THBS4: variants seen among roughly 807,000 people sequenced by gnomAD.
THBS4 encodes the protein thrombospondin-4.
THBS4 carries 90 observed loss-of-function variants against 115.7 expected under a neutral mutation model. That is an observed-to-expected ratio of 0.78 (90% confidence interval 0.66 to 0.93). THBS4 has a LOEUF of 0.93. Among genes scored for constraint, THBS4 ranks in the 40% least tolerant of loss-of-function variants. The probability of loss-of-function intolerance (pLI) is 0.00; values close to 1 mark genes in which losing one functional copy is unlikely to be tolerated. For synonymous variants in THBS4, 460 were observed against 479.3 expected, an observed-to-expected ratio of 0.96 and a Z score of 0.53; for missense variants, 1,087 against 1,232.7, an observed-to-expected ratio of 0.88 and a Z score of 1.77.
At chr5:80,047,920 C>T (rs1833126086) in intron 2 of THBS4, among the ~76,000 whole-genome samples, 1 of 151,984 alleles carries the variant, frequency 6.6e-6, no homozygotes, top group South Asian at 2.1e-4. Flanking sequence ...GCTGGGATTA[C>T]AGGCATGAGC....
At chr5:80,054,482 G>C (rs763290106) in intron 2 of THBS4, among the ~76,000 whole-genome samples, 1 of 151,974 alleles carries the variant, frequency 6.6e-6, no homozygotes, top group African/African-American at 2.4e-5. Context: ...CACCATGCCT[G>C]GCTAATTTTT....
chr5:79,997,030 GTT>G (rs201267378), intron 1 of THBS4, among the ~76,000 whole-genome samples: 1,871 of 138,716 alleles, frequency 0.013, 43 homozygotes, highest in African/African-American at 0.045. Flanking sequence ...AATCAAAATA[GTT>G]TTTTTTTTTT....
chr5:80,029,813 A>C (rs185603617), intron 2 of THBS4, among the ~76,000 whole-genome samples: 9,550 of 151,692 alleles, frequency 0.063, 426 homozygotes, highest in African/African-American at 0.13. Context: ...CAAAAAAAAA[A>C]AAAAAAATTA....
chr5:80,078,750 GCTTT>G (rs1321775210), intron 17 of THBS4, 167 bp from the exon 18 acceptor site: 1 of 559,178 alleles, frequency 1.8e-6, no homozygotes, highest in East Asian at 2.9e-5. Flanking sequence ...ACAAGCACAT[GCTTT>G]CTTTGAGCAC....
intron 2 of THBS4, among the ~76,000 whole-genome samples, chr5:80,011,120 C>A (rs1386350462): frequency 6.6e-6 from 1 of 152,178 alleles, no homozygotes; most frequent in African/African-American, 2.4e-5. Flanking sequence ...TGAGACCTGA[C>A]AGTTTTAAAA....
intron 2 of THBS4, 66 bp from the exon 3 acceptor site, chr5:80,055,719 T>G: frequency 6.4e-7 from 1 of 1,562,976 alleles, no homozygotes. Context: ...ATCACACCAT[T>G]TGTTGACCCT....
intron 2 of THBS4, among the ~76,000 whole-genome samples, chr5:80,018,528 G>A (rs1433611065): frequency 6.6e-6 from 1 of 150,492 alleles, no homozygotes; most frequent in Non-Finnish European, 1.5e-5. Context: ...CCTAGTAGCT[G>A]AGATTAGAGG....
intron 1 of THBS4, among the ~76,000 whole-genome samples, chr5:79,995,535 G>A (rs989770297): frequency 6.6e-6 from 1 of 151,992 alleles, no homozygotes; most frequent in South Asian, 2.1e-4. Flanking sequence ...TGAAAGAGAC[G>A]ACATGGTGAA....
In THBS4 at chr5:80,067,955, G is replaced by C. The variant is rs369458031; in HGVS notation, c.1195-18G>C. On this transcript the variant is annotated intron_variant, in intron 9 of 21. Transcript: ENST00000350881. ...GCCCACAGCTTTCAGCTCATCACCT[G>C]ATCTTTGTTCCTTGCAGGGATCTTA... The C allele has an allele frequency of 5.0e-6, 8 of 1,612,720 alleles. No homozygotes were observed. Among genetic ancestry groups the C allele is most frequent in the African/African-American group, 4.0e-5 (3 of 74,838 alleles).
chr5:80,025,094 G>C (rs1832449610), intron 2 of THBS4, among the ~76,000 whole-genome samples: 1 of 152,154 alleles, frequency 6.6e-6, no homozygotes, highest in South Asian at 2.1e-4. Context: ...GTAAAGATTA[G>C]ATGAGATCAA....
At position 80,035,437 on chromosome 5, in the gene THBS4, G is replaced by C. The variant is rs558632577; in HGVS notation, c.-101G>C. The C allele has an allele frequency of 2.2e-4, 178 of 800,770 alleles. No individual in the cohort carries two copies. Among genetic ancestry groups the C allele is most frequent in the Middle Eastern group, 1.8e-3 (4 of 2,242 alleles). The allele number at this position is 800,770 out of a possible 1,614,324, so 49.6% of individuals were successfully genotyped here. Reference sequence around the variant, plus strand: ...CCGAGCACGGGTCACCTGCGGCGCCGGCCCGGGCGCCGACCGAGGTTCAAC... The same window carrying C: ...CCGAGCACGGGTCACCTGCGGCGCCCGCCCGGGCGCCGACCGAGGTTCAAC... On this transcript the variant is annotated 5_prime_UTR_variant, in exon 1 of 22. Transcript: ENST00000350881. The surrounding 1 kb of genome is among the most constrained non-coding windows in gnomAD (Gnocchi z 4.6).
intron 20 of THBS4, 89 bp from the exon 21 acceptor site, chr5:80,082,317 G>A (rs1743551256): frequency 2.0e-6 from 3 of 1,538,028 alleles, no homozygotes; most frequent in Middle Eastern, 2.3e-4. Flanking sequence ...ACGCAGGTAC[G>A]TATAAGAAGT....
chr5:80,058,803 A>G lies in THBS4; in HGVS notation c.732+13A>G. The G allele has an allele frequency of 1.9e-6, 3 of 1,611,348 alleles. No individual in the cohort carries two copies. The highest frequency in any genetic ancestry group is 2.5e-6 in the Non-Finnish European group (3 of 1,178,484). On this transcript the variant is annotated intron_variant, in intron 5 of 21. Coordinates refer to ENST00000350881, the MANE Select transcript of THBS4 (RefSeq NM_003248.6). Reference sequence around the variant, plus strand: ...TCTGAGACAGCAGGTAACAAGCGGGACATATCATCAGAAAAGCCCTCGTCT... The same window carrying G: ...TCTGAGACAGCAGGTAACAAGCGGGGCATATCATCAGAAAAGCCCTCGTCT...
At chr5:80,045,531 CTTT>C (rs70982016) in intron 2 of THBS4, among the ~76,000 whole-genome samples, 3 of 135,618 alleles carry the variant, frequency 2.2e-5, no homozygotes, top group Admixed American at 7.5e-5. Context: ...TTTATGGAGT[CTTT>C]TTTTTTTTTT....
intron 5 of THBS4, among the ~76,000 whole-genome samples, 155 bp from the exon 6 acceptor site, chr5:80,059,285 G>A (rs559878353): frequency 4.0e-5 from 6 of 149,912 alleles, no homozygotes; most frequent in Non-Finnish European, 7.4e-5. Context: ...AGCTGAGATC[G>A]TGCCACTGCA....
chr5:80,059,372 A>T, intron 5 of THBS4, 68 bp from the exon 6 acceptor site: 2 of 1,381,346 alleles, frequency 1.4e-6, no homozygotes, highest in Non-Finnish European at 2.0e-6. Context: ...CTCCACATGG[A>T]TTCTTTCATT....
intron 10 of THBS4, among the ~76,000 whole-genome samples, chr5:80,069,840 T>C (rs1254760466): frequency 6.6e-6 from 1 of 152,204 alleles, no homozygotes; most frequent in Non-Finnish European, 1.5e-5. Flanking sequence ...AAGCAGGCTG[T>C]GGCTGAGGAA....
At chr5:80,062,009 T>C (rs1008021524) in intron 8 of THBS4, among the ~76,000 whole-genome samples, 177 bp downstream of exon 8, 10 of 152,226 alleles carry the variant, frequency 6.6e-5, no homozygotes, top group Non-Finnish European at 1.2e-4. Flanking sequence ...TTTACATTTA[T>C]AAAATCTAGA....
Position 80,035,767 on chromosome 5 carries a change from T to C in THBS4, c.88+142T>C. On this transcript the variant is annotated intron_variant, in intron 1 of 21. Coordinates refer to ENST00000350881, the MANE Select transcript of THBS4 (RefSeq NM_003248.6). The surrounding 1 kb of genome is among the most constrained non-coding windows in gnomAD (Gnocchi z 4.6). ...CCCTCCCGGGCCCAATCAAAGCATA[T>C]TGTGATTGGAGGTAGTGATTAGTCT... 1.6e-6 allele frequency: 1 copy of C among 606,708 alleles called. No individual in the cohort carries two copies. Among genetic ancestry groups the C allele is most frequent in the South Asian group, 7.9e-5 (1 of 12,610 alleles). The allele number at this position is 606,708 out of a possible 1,614,324, so 37.6% of individuals were successfully genotyped here.
Sources: allele counts gnomAD v4.1 joint callset (sites outside exome capture counted in the v4.1 genomes callset), GRCh38; gene constraint gnomAD v4.1.1; non-coding constraint Gnocchi (gnomAD v3.1); transcripts MANE v1.5; gene names NCBI Gene and HGNC (gene_info 2026-07-23, HGNC 2026-07-21).